The following NRG1 variants were observed in gnomAD, a reference collection of about 807,000 sequenced individuals.
NRG1 encodes neuregulin 1, also known as pro-neuregulin-1, membrane-bound isoform.
Under a neutral mutation model 63.8 loss-of-function variants are expected in NRG1, and 18 were observed. The ratio of observed to expected loss-of-function variants is 0.28; its 90% confidence interval spans 0.19 to 0.42. NRG1 has a LOEUF of 0.42. Among genes scored for constraint, NRG1 ranks in the 10% least tolerant of loss-of-function variants. The probability of loss-of-function intolerance (pLI) is 1.00; values close to 1 mark genes in which losing one functional copy is unlikely to be tolerated. For missense variants in NRG1, 762 were observed against 814.7 expected (o/e 0.94, Z 0.79); for synonymous variants, 302 against 301.3 (o/e 1.00, Z -0.02).
intron 7 of NRG1, among the ~76,000 whole-genome samples, chr8:32,751,593 T>A (rs907202811): frequency 4.6e-5 from 7 of 152,106 alleles, no homozygotes; most frequent in African/African-American, 1.7e-4. Flanking sequence ...CCATGAAAAA[T>A]TCAAATAGCA....
Position 32,757,336 on chromosome 8 carries a change from C to T in NRG1, c.921+807C>T, listed in dbSNP as rs115656466. Among the ~76,000 whole-genome samples, 1,061 of 152,208 alleles carry T rather than the reference C, an allele frequency of 7.0e-3. 7 individuals are homozygous for T. The highest frequency in any genetic ancestry group is 0.024 in the African/African-American group (976 of 41,514). On this transcript the variant is annotated intron_variant, in intron 9 of 11. Transcript: ENST00000356819. ...ATTGCTCTTTATATTCCAGCATCATCCTTCTTATTTTCAAATTATTGCTCT... is the reference window on the plus strand; with the variant it reads ...ATTGCTCTTTATATTCCAGCATCATTCTTCTTATTTTCAAATTATTGCTCT...
At chr8:31,864,436 TC>T (rs1828764537) in intron 1 of NRG1, among the ~76,000 whole-genome samples, 1 of 152,136 alleles carries the variant, frequency 6.6e-6, no homozygotes, top group Non-Finnish European at 1.5e-5. Flanking sequence ...AGGAAGCCTT[TC>T]CTCCAAGGTG....
intron 1 of NRG1, among the ~76,000 whole-genome samples, chr8:32,071,654 G>A (rs138569554): frequency 6.6e-6 from 1 of 152,236 alleles, no homozygotes; most frequent in African/African-American, 2.4e-5. Flanking sequence ...ATCAAACTGA[G>A]GTTTTCTTTC....
At chr8:31,824,084 T>G (rs975680372) in intron 1 of NRG1, among the ~76,000 whole-genome samples, 7 of 152,046 alleles carry the variant, frequency 4.6e-5, no homozygotes, top group African/African-American at 1.7e-4. Context: ...TTGTTACATA[T>G]GTATACATGT....
intron 1 of NRG1, among the ~76,000 whole-genome samples, chr8:32,454,682 C>G (rs1254201335): frequency 6.6e-6 from 1 of 150,806 alleles, no homozygotes; most frequent in Non-Finnish European, 1.5e-5. Flanking sequence ...CATGAGCCAC[C>G]GTGCCTGGCC....
chr8:32,647,883 G>A (rs148668339), intron 5 of NRG1: 19 of 1,613,968 alleles, frequency 1.2e-5, no homozygotes, highest in South Asian at 1.1e-4. Context: ...GGGCCTGGCC[G>A]TGCCCTGCTG....
intron 1 of NRG1, among the ~76,000 whole-genome samples, chr8:32,073,192 A>C (rs778082947): frequency 6.6e-6 from 1 of 152,144 alleles, no homozygotes; most frequent in African/African-American, 2.4e-5. Context: ...GTCATTCACT[A>C]TCTTGTCATT....
chr8:32,570,732 C>A (rs569887868), intron 1 of NRG1, among the ~76,000 whole-genome samples: 18 of 151,984 alleles, frequency 1.2e-4, no homozygotes, highest in Non-Finnish European at 1.9e-4. Context: ...TTTGAAAGGA[C>A]CCTTTCTTTA....
intron 1 of NRG1, among the ~76,000 whole-genome samples, chr8:31,808,649 T>G (rs1822534593): frequency 6.6e-6 from 1 of 152,102 alleles, no homozygotes; most frequent in Non-Finnish European, 1.5e-5. Flanking sequence ...GTTAAAGTTT[T>G]GAGACCTGTG....
intron 1 of NRG1, among the ~76,000 whole-genome samples, chr8:32,436,388 G>A (rs1183208110): frequency 2.0e-5 from 3 of 152,144 alleles, no homozygotes; most frequent in Non-Finnish European, 2.9e-5. Context: ...ATATCAGAGT[G>A]TATACTTTCA....
intron 1 of NRG1, among the ~76,000 whole-genome samples, chr8:32,163,036 C>T (rs1489156926): frequency 6.6e-6 from 1 of 152,114 alleles, no homozygotes; most frequent in Non-Finnish European, 1.5e-5. Context: ...ATCCAATGAA[C>T]CAAGGGAGAT....
chr8:32,164,690 T>C (rs7819378), intron 1 of NRG1, among the ~76,000 whole-genome samples: 113,373 of 152,156 alleles, frequency 0.75, 43,103 homozygotes, highest in African/African-American at 0.84. Context: ...CAACATAAGT[T>C]GGATAAATTT....
intron 5 of NRG1, among the ~76,000 whole-genome samples, chr8:32,658,389 T>G (rs1440263504): frequency 6.6e-6 from 1 of 152,220 alleles, no homozygotes; most frequent in Non-Finnish European, 1.5e-5. Context: ...ATCTTCACAA[T>G]GTTGAATACT....
At chr8:32,681,796 A>G (rs1808708983) in intron 5 of NRG1, among the ~76,000 whole-genome samples, 1 of 152,210 alleles carries the variant, frequency 6.6e-6, no homozygotes, top group Non-Finnish European at 1.5e-5. Flanking sequence ...TGTATATGAC[A>G]TGAAACAGAC....
chr8:31,657,581 A>T (rs1440204101), intron 1 of NRG1, among the ~76,000 whole-genome samples: 1 of 152,202 alleles, frequency 6.6e-6, no homozygotes, highest in South Asian at 2.1e-4. Flanking sequence ...TTTAGTGTGC[A>T]CTTAAGTCTG....
At chr8:32,068,351 T>G (rs1564126) in intron 1 of NRG1, among the ~76,000 whole-genome samples, 52,497 of 152,140 alleles carry the variant, frequency 0.35, 9,680 homozygotes, top group East Asian at 0.65. Flanking sequence ...TGAAGAAACC[T>G]GGACATGACT....
intron 2 of NRG1, among the ~76,000 whole-genome samples, chr8:32,600,591 C>T (rs1844168172): frequency 6.6e-6 from 1 of 152,048 alleles, no homozygotes; most frequent in Non-Finnish European, 1.5e-5. Context: ...AATTAATATT[C>T]AGAACTTTTT....
intron 5 of NRG1, among the ~76,000 whole-genome samples, chr8:32,645,213 T>G (rs1853260401): frequency 6.6e-6 from 1 of 152,232 alleles, no homozygotes; most frequent in African/African-American, 2.4e-5. Context: ...AATAGATGTT[T>G]TCTACACCGT....
chr8:32,608,105 TTG>T (rs1223233486), intron 3 of NRG1, among the ~76,000 whole-genome samples: 2,590 of 126,358 alleles, frequency 0.02, 33 homozygotes, highest in Middle Eastern at 0.057. Flanking sequence ...TTTTTTTTTT[TTG>T]TTTTTTTTTT....
Sources: allele counts gnomAD v4.1 joint callset (sites outside exome capture counted in the v4.1 genomes callset), GRCh38; gene constraint gnomAD v4.1.1; transcripts MANE v1.5; gene names NCBI Gene and HGNC (gene_info 2026-07-23, HGNC 2026-07-21).